SPON1: variants seen among roughly 807,000 people sequenced by gnomAD.
SPON1 encodes the protein spondin 1, also known as spondin-1.
In SPON1, 52 loss-of-function variants were observed where a neutral mutation model predicts 111.7. The ratio of observed to expected loss-of-function variants is 0.47; its 90% CI spans 0.37 to 0.59. The LOEUF (loss-of-function observed/expected upper bound fraction) is 0.59. Among genes scored for constraint, SPON1 ranks in the 20% least tolerant of loss-of-function variants. The pLI, the probability that SPON1 is intolerant of heterozygous loss-of-function variation, is 0.00. For missense variants in SPON1, 957 were observed against 1,068.5 expected, an observed-to-expected ratio of 0.90 and a Z score of 1.46; for synonymous variants, 410 against 395.8, an observed-to-expected ratio of 1.04 and a Z score of -0.43.
intron 6 of SPON1, among the ~76,000 whole-genome samples, chr11:14,229,520 A>G (rs1356868378): frequency 6.6e-6 from 1 of 152,150 alleles, no homozygotes; most frequent in African/African-American, 2.4e-5. Context: ...TGATTAAGTC[A>G]TCAGAGGCAC....
intron 5 of SPON1, among the ~76,000 whole-genome samples, chr11:14,125,649 G>A (rs1847450061): frequency 6.6e-6 from 1 of 152,258 alleles, no homozygotes; most frequent in South Asian, 2.1e-4. Context: ...GTGGCTTGCT[G>A]CAGAATTGGG....
At chr11:14,070,262 AGTATT>A in intron 3 of SPON1, among the ~76,000 whole-genome samples, 1 of 152,358 alleles carries the variant, frequency 6.6e-6, no homozygotes, top group East Asian at 1.9e-4. Context: ...AATTTTATAA[AGTATT>A]TCAAGAAATA....
At chr11:14,070,764 T>C (rs1848869263) in intron 3 of SPON1, among the ~76,000 whole-genome samples, 1 of 152,086 alleles carries the variant, frequency 6.6e-6, no homozygotes, top group South Asian at 2.1e-4. Context: ...TCACAAACTC[T>C]AACTTCACCC....
intron 7 of SPON1, among the ~76,000 whole-genome samples, chr11:14,253,889 C>CCA (rs1489967405): frequency 1.3e-5 from 2 of 152,226 alleles, no homozygotes; most frequent in African/African-American, 4.8e-5. Context: ...TCTTTCCTTT[C>CCA]CAGCCACTCT....
chr11:14,169,131 G>A (rs1348735585), intron 6 of SPON1, among the ~76,000 whole-genome samples: 3 of 152,298 alleles, frequency 2.0e-5, no homozygotes, highest in Non-Finnish European at 4.4e-5. Flanking sequence ...GTGTGAAAGT[G>A]TTCCTATTTC....
intron 6 of SPON1, among the ~76,000 whole-genome samples, chr11:14,188,979 C>A (rs1274350811): frequency 6.6e-6 from 1 of 152,190 alleles, no homozygotes; most frequent in Non-Finnish European, 1.5e-5. Flanking sequence ...TTTAACCAAC[C>A]TTTTAGAAAG....
In SPON1 at chr11:13,963,002, C is replaced by A. The variant is rs782283201; in HGVS notation, c.98C>A (p.Thr33Asn). 2.4e-5 allele frequency: 39 copies of A among 1,594,544 alleles called. No individual in the cohort carries two copies. Among genetic ancestry groups the A allele is most frequent in the Non-Finnish European group, 3.3e-5 (39 of 1,171,650 alleles). Residue 33 changes from threonine to asparagine, a missense_variant, in exon 1 of 16, where the codon ACC becomes AAC. Thr to Asn is a moderately conservative substitution (Grantham distance 65). Coordinates refer to ENST00000576479, the MANE Select transcript of SPON1 (RefSeq NM_006108.4). ...GCGGCGCTGGCCTTCTCCGACGAGA[C>A]CCTGGACAAAGTGCCCAAGTCAGAG... is the stretch of plus-strand genomic sequence containing the variant. Reference protein sequence around the residue: ...LAAALAFSDETLDKVPKSEGY... With the variant: ...LAAALAFSDENLDKVPKSEGY...
At chr11:14,092,780 A>T (rs1849069769) in intron 5 of SPON1, among the ~76,000 whole-genome samples, 1 of 152,156 alleles carries the variant, frequency 6.6e-6, no homozygotes, top group African/African-American at 2.4e-5. Flanking sequence ...ACGCATTTTA[A>T]CTTATCATGT....
At chr11:14,111,238 C>T (rs1017778990) in intron 5 of SPON1, among the ~76,000 whole-genome samples, 15 of 152,154 alleles carry the variant, frequency 9.9e-5, no homozygotes, top group Admixed American at 6.6e-5. Flanking sequence ...AGAAATAACA[C>T]GGGACAAACT....
chr11:14,213,567 A>C (rs1276052680), intron 6 of SPON1, among the ~76,000 whole-genome samples: 2 of 152,196 alleles, frequency 1.3e-5, no homozygotes, highest in Non-Finnish European at 2.9e-5. Context: ...TAATTAATCA[A>C]ACGATATTTA....
chr11:13,969,193 AAT>A (rs1848043041), intron 1 of SPON1, among the ~76,000 whole-genome samples: 1 of 143,680 alleles, frequency 7.0e-6, no homozygotes, highest in Non-Finnish European at 1.5e-5. Context: ...CAGCCTGGAC[AAT>A]ATGGCAAAAC....
chr11:14,213,328 G>A (rs1554936893), intron 6 of SPON1, among the ~76,000 whole-genome samples: 1 of 151,948 alleles, frequency 6.6e-6, no homozygotes, highest in Non-Finnish European at 1.5e-5. Flanking sequence ...CATTTGCCTG[G>A]AGCTAGTCTC....
At chr11:13,991,633 C>A (rs7128266) in intron 2 of SPON1, among the ~76,000 whole-genome samples, 1 of 152,136 alleles carries the variant, frequency 6.6e-6, no homozygotes, top group Admixed American at 6.5e-5. Flanking sequence ...TGAGGAGTTG[C>A]GATCCTTTGT....
chr11:14,234,112 G>A lies in SPON1; in HGVS notation c.826-9220G>A, dbSNP rs192589030. Among the ~76,000 whole-genome samples the A allele has an allele frequency of 9.0e-4, 137 of 152,234 alleles. 1 individual carries two copies. The highest frequency in any genetic ancestry group is 6.2e-4 in the South Asian group (3 of 4,824). On this transcript the variant is annotated intron_variant, in intron 6 of 15. Coordinates refer to ENST00000576479, the MANE Select transcript of SPON1 (RefSeq NM_006108.4). ...ATGTGTTCCCATGGGGTAGGGTTAG[G>A]GGTGCTGAAAGGGGCACTACCCTTA... is the stretch of plus-strand genomic sequence containing the variant.
At chr11:14,162,729 A>G (rs782710309) in intron 6 of SPON1, among the ~76,000 whole-genome samples, 7 of 152,214 alleles carry the variant, frequency 4.6e-5, no homozygotes, top group South Asian at 2.1e-4. Context: ...TGTAAGCACA[A>G]TGTCAGAATA....
intron 6 of SPON1, among the ~76,000 whole-genome samples, chr11:14,223,752 A>G (rs1554937835): frequency 1.3e-5 from 2 of 151,896 alleles, no homozygotes; most frequent in South Asian, 2.1e-4. Context: ...TCTCCCTCCT[A>G]CCTTCTGTTC....
intron 6 of SPON1, among the ~76,000 whole-genome samples, chr11:14,238,243 G>A (rs893247362): frequency 3.3e-5 from 5 of 152,072 alleles, no homozygotes; most frequent in Admixed American, 1.3e-4. Context: ...TCTTCCTGTG[G>A]GGAGGAGAGA....
At chr11:14,119,777 T>C (rs1849291582) in intron 5 of SPON1, among the ~76,000 whole-genome samples, 4 of 152,128 alleles carry the variant, frequency 2.6e-5, no homozygotes, top group Admixed American at 2.6e-4. Flanking sequence ...TCCCATCCCC[T>C]TGTGACAGAA....
intron 9 of SPON1, 102 bp downstream of exon 9, chr11:14,255,889 G>A (rs1591428985): frequency 7.8e-7 from 1 of 1,283,434 alleles, no homozygotes; most frequent in South Asian, 1.6e-5. Flanking sequence ...CTGGCAGAAA[G>A]CACCTCAGGA....
Sources: gnomAD v4.1 joint callset for allele counts (sites outside exome capture counted in the v4.1 genomes callset) on GRCh38, gnomAD v4.1.1 for gene constraint, MANE v1.5 for transcripts, NCBI Gene and HGNC (gene_info 2026-07-23, HGNC 2026-07-21) for gene names.